Variants in KIAA0232 observed in about 807,000 individuals in gnomAD.
KIAA0232 encodes the protein KIAA0232.
Under a neutral mutation model 122.0 loss-of-function variants are expected in KIAA0232, and 27 were observed. The ratio of observed to expected loss-of-function variants is 0.22; its 90% CI spans 0.16 to 0.31. The LOEUF is 0.31. KIAA0232 is among the 10% of genes least tolerant of loss of function. The pLI is 1.00. For missense variants in KIAA0232, 1,551 were observed against 1,634.2 expected, an observed-to-expected ratio of 0.95 and a Z score of 0.88; for synonymous variants, 613 against 587.6, an observed-to-expected ratio of 1.04 and a Z score of -0.63.
intron 3 of KIAA0232, among the ~76,000 whole-genome samples, chr4:6,838,435 C>T (rs1483447938): frequency 6.6e-6 from 1 of 152,140 alleles, no homozygotes; most frequent in Non-Finnish European, 1.5e-5. Context: ...GTGATCTGCC[C>T]ACCTCTGCCT....
intron 1 of KIAA0232, among the ~76,000 whole-genome samples, chr4:6,799,811 C>G (rs983937733): frequency 1.3e-5 from 2 of 152,006 alleles, no homozygotes; most frequent in African/African-American, 4.8e-5. Flanking sequence ...TCTCCTGCCT[C>G]AGCCTCCCAG....
At chr4:6,812,697 C>A (rs549705616) in intron 2 of KIAA0232, among the ~76,000 whole-genome samples, 2 of 152,066 alleles carry the variant, frequency 1.3e-5, no homozygotes, top group Admixed American at 1.3e-4. Context: ...TAATATATAT[C>A]GGCAAGTGAA....
intron 1 of KIAA0232, among the ~76,000 whole-genome samples, chr4:6,795,634 CT>C (rs1717100339): frequency 6.6e-6 from 1 of 152,154 alleles, no homozygotes; most frequent in African/African-American, 2.4e-5. Flanking sequence ...TCACTGTCAC[CT>C]AGGCTGGAGT....
chr4:6,826,654 G>A (rs897674520), intron 3 of KIAA0232, among the ~76,000 whole-genome samples: 2 of 151,874 alleles, frequency 1.3e-5, no homozygotes, highest in African/African-American at 4.8e-5. Context: ...ACATGTGTGT[G>A]GCACCCCACC....
intron 1 of KIAA0232, among the ~76,000 whole-genome samples, chr4:6,789,975 G>C (rs963764999): frequency 1.3e-5 from 2 of 152,066 alleles, no homozygotes; most frequent in East Asian, 1.9e-4. Context: ...GCTGCAGTGA[G>C]CCATGATTGC....
chr4:6,800,039 C>CTTTTTTTTTTTTTTTTTTTTTT (rs1717310962), intron 1 of KIAA0232, among the ~76,000 whole-genome samples: 2 of 67,304 alleles, frequency 3.0e-5, no homozygotes, highest in Non-Finnish European at 6.1e-5. Context: ...TTCTTTCTTT[C>CTTTTTTTTTTTTTTTTTTTTTT]TTTCTTTTTT....
rs757288582 is a variant in KIAA0232 at position 6,863,518 on chromosome 4, A to C, written c.3136A>C (p.Asn1046His). 3 of 1,614,210 alleles carry C rather than the reference A, an allele frequency of 1.9e-6. No homozygotes were observed. Among genetic ancestry groups the C allele is most frequent in the Non-Finnish European group, 2.5e-6 (3 of 1,180,028 alleles). The stretch of plus-strand genomic sequence containing the variant: ...CTCATTTTCTTCCTTTGACTTAAGC[A>C]ATCCATTTTCACAAGTTCTTCATGT... Reference protein sequence around the residue: ...EYSFSSFDLSNPFSQVLHVEC... With the variant: ...EYSFSSFDLSHPFSQVLHVEC... Residue 1046 changes from asparagine to histidine, a missense_variant, in exon 7 of 10, where the codon AAT becomes CAT. Asn to His is a moderately conservative substitution (Grantham distance 68). This residue lies in a region of KIAA0232 where 1,108 missense variants were observed against 1,154.8 expected (regional missense o/e 0.96). Coordinates refer to ENST00000307659, the MANE Select transcript of KIAA0232 (RefSeq NM_014743.3).
At position 6,863,276 on chromosome 4, in the gene KIAA0232, ATGT is replaced by A. The variant is rs745970445; in HGVS notation, c.2898_2900del (p.Val967del). The A allele has an allele frequency of 3.1e-6, 5 of 1,614,154 alleles. No individual in the cohort carries two copies. The highest frequency in any genetic ancestry group is 4.2e-6 in the Non-Finnish European group (5 of 1,180,032). On this transcript the variant is annotated inframe_deletion, in exon 7 of 10. Coordinates refer to ENST00000307659, the MANE Select transcript of KIAA0232 (RefSeq NM_014743.3). Reference sequence around the variant, plus strand: ...AGTCTGTTACAGTGTGCAGCTTCTGATGTTGTGACGATAGCTGGTACAGATGTC... The same window carrying A: ...AGTCTGTTACAGTGTGCAGCTTCTGATGTGACGATAGCTGGTACAGATGTC...
chr4:6,815,288 G>A (rs985689515), intron 2 of KIAA0232, among the ~76,000 whole-genome samples: 2 of 152,126 alleles, frequency 1.3e-5, no homozygotes, highest in African/African-American at 4.8e-5. Context: ...ACCATTAGAG[G>A]TAAGTTTCAC....
chr4:6,824,694 T>A lies in KIAA0232; in HGVS notation c.231+10T>A, dbSNP rs1718587128. The A allele has an allele frequency of 6.2e-7, 1 of 1,609,910 alleles. No individual in the cohort carries two copies. Among genetic ancestry groups the A allele is most frequent in the East Asian group, 2.2e-5 (1 of 44,866 alleles). Reference sequence around the variant, plus strand: ...CGACCTGCAGGAACAGGTATTTACATATTTTAAGTGTTTTCTGAAAACTGA... The same window carrying A: ...CGACCTGCAGGAACAGGTATTTACAAATTTTAAGTGTTTTCTGAAAACTGA... On this transcript the variant is annotated intron_variant, in intron 3 of 9. Coordinates refer to ENST00000307659, the MANE Select transcript of KIAA0232 (RefSeq NM_014743.3).
intron 1 of KIAA0232, among the ~76,000 whole-genome samples, chr4:6,789,647 A>C (rs1716800399): frequency 6.6e-6 from 1 of 152,148 alleles, no homozygotes; most frequent in Non-Finnish European, 1.5e-5. Flanking sequence ...TTTTGCATAA[A>C]CAGATTCATG....
intron 1 of KIAA0232, among the ~76,000 whole-genome samples, chr4:6,791,993 A>G (rs1196092289): frequency 6.6e-6 from 1 of 152,178 alleles, no homozygotes; most frequent in African/African-American, 2.4e-5. Flanking sequence ...GTTTCCCTGC[A>G]TAATCTCTCC....
chr4:6,794,936 C>T (rs1250548815), intron 1 of KIAA0232, among the ~76,000 whole-genome samples: 1 of 152,028 alleles, frequency 6.6e-6, no homozygotes, highest in Non-Finnish European at 1.5e-5. Flanking sequence ...CATTAGAGTT[C>T]TGGAATTAAA....
chr4:6,820,442 G>C (rs1718367305), intron 2 of KIAA0232, among the ~76,000 whole-genome samples: 1 of 152,114 alleles, frequency 6.6e-6, no homozygotes. Flanking sequence ...AGGTGTTGCT[G>C]TTTTAAAATT....
Position 6,881,026 on chromosome 4 carries a change from A to G in KIAA0232, c.*60A>G. On this transcript the variant is annotated 3_prime_UTR_variant, in exon 10 of 10. Transcript: ENST00000307659. ...GATATGTGATGGAAAATTACTCTTC[A>G]GTGAGACCTGTTAATCTAAAACAAC... is the stretch of plus-strand genomic sequence containing the variant. 1 of 1,216,448 alleles carries G rather than the reference A, an allele frequency of 8.2e-7. No homozygotes were observed. The highest frequency in any genetic ancestry group is 1.1e-6 in the Non-Finnish European group (1 of 928,004). The allele number at this position is 1,216,448 out of a possible 1,614,324, so 75.4% of individuals were successfully genotyped here.
intron 4 of KIAA0232, among the ~76,000 whole-genome samples, chr4:6,856,684 GAA>G (rs35815919): frequency 6.7e-6 from 1 of 148,972 alleles, no homozygotes; most frequent in African/African-American, 2.5e-5. Flanking sequence ...CTTTAAAACA[GAA>G]AAAAAAAAAA....
chr4:6,797,337 T>C (rs944050997), intron 1 of KIAA0232, among the ~76,000 whole-genome samples: 6 of 152,222 alleles, frequency 3.9e-5, no homozygotes, highest in African/African-American at 1.2e-4. Context: ...TCTCTCTGTC[T>C]TGAGGTTCAG....
chr4:6,851,575 T>C, intron 4 of KIAA0232, among the ~76,000 whole-genome samples: 1 of 151,564 alleles, frequency 6.6e-6, no homozygotes, highest in Middle Eastern at 3.2e-3. Flanking sequence ...AAGCCAAGTG[T>C]GGTGGCACAC....
intron 1 of KIAA0232, among the ~76,000 whole-genome samples, chr4:6,802,909 A>G (rs537911369): frequency 1.3e-5 from 2 of 149,918 alleles, no homozygotes; most frequent in South Asian, 4.2e-4. Context: ...TGTAATCCCA[A>G]CTCTTTAGGT....
Sources: gnomAD v4.1 joint callset for allele counts (sites outside exome capture counted in the v4.1 genomes callset) on GRCh38, gnomAD v4.1.1 for gene constraint, gnomAD v4.1.1 regional missense constraint, MANE v1.5 for transcripts, NCBI Gene and HGNC (gene_info 2026-07-23, HGNC 2026-07-21) for gene names.